CFAP20DC: variants seen among roughly 807,000 people sequenced by gnomAD.
CFAP20DC encodes protein CFAP20DC.
In CFAP20DC, 84 loss-of-function variants were observed where a neutral mutation model predicts 101.7. The observed-to-expected ratio is 0.83, with a 90% CI of 0.69 to 0.99. The LOEUF (loss-of-function observed/expected upper bound fraction) is 0.99. CFAP20DC is among the 50% of genes least tolerant of loss of function. The pLI is 0.00. For missense variants in CFAP20DC, 1,007 were observed against 970.3 expected (o/e 1.04, Z -0.50); for synonymous variants, 359 against 351.2 (o/e 1.02, Z -0.25).
intron 4 of CFAP20DC, among the ~76,000 whole-genome samples, chr3:58,943,302 A>G (rs1023998393): frequency 1.2e-4 from 19 of 152,162 alleles, no homozygotes; most frequent in African/African-American, 3.9e-4. Context: ...AGGGGTCAAT[A>G]GACACGTCAT....
Position 58,882,159 on chromosome 3 carries a change from T to C in CFAP20DC, c.715+2386A>G, listed in dbSNP as rs1366858449. Among the ~76,000 whole-genome samples the C allele has an allele frequency of 6.6e-6, 1 of 152,166 alleles. No homozygotes were observed. Among genetic ancestry groups the C allele is most frequent in the Non-Finnish European group, 1.5e-5 (1 of 67,982 alleles). ...TGCTATTAGATGACAATTATTCATT[T>C]CTGTATATATGACTCAAGTTCACTA... On this transcript the variant is annotated intron_variant, in intron 7 of 16. Transcript: ENST00000482387. This position sits in a 1 kb window ranked among gnomAD's most constrained non-coding sequence, Gnocchi z 4.2.
chr3:58,882,232 A>T lies in CFAP20DC; in HGVS notation c.715+2313T>A, dbSNP rs1243965543. ...TGGAAATTGCAAAATATATATTAAT[A>T]TCCTCTTTTATGAGTTGGGTTCAAA... On this transcript the variant is annotated intron_variant, in intron 7 of 16. Coordinates refer to ENST00000482387, the MANE Select transcript of CFAP20DC (RefSeq NM_001394063.1). The surrounding 1 kb of genome is among the most constrained non-coding windows in gnomAD (Gnocchi z 4.2). 6.6e-6 allele frequency among the ~76,000 whole-genome samples: 1 copy of T among 152,146 alleles called. No homozygotes were observed. The highest frequency in any genetic ancestry group is 1.5e-5 in the Non-Finnish European group (1 of 67,988).
At chr3:58,987,737 T>G (rs1328658115) in intron 4 of CFAP20DC, among the ~76,000 whole-genome samples, 1 of 151,652 alleles carries the variant, frequency 6.6e-6, no homozygotes, top group African/African-American at 2.4e-5. Context: ...GGAAACAAAA[T>G]GACACTTCTA....
At chr3:59,044,444 G>C (rs991911030) in intron 3 of CFAP20DC, among the ~76,000 whole-genome samples, 10 of 152,136 alleles carry the variant, frequency 6.6e-5, no homozygotes, top group Non-Finnish European at 1.0e-4. Flanking sequence ...ATATAGAAAA[G>C]CCAGATTAAC....
Position 58,729,384 on chromosome 3 carries a change from A to G in CFAP20DC, c.198-11756T>C, listed in dbSNP as rs2067602025. On this transcript the variant is annotated intron_variant, in intron 3 of 3. Coordinates refer to the CFAP20DC transcript ENST00000486145. This position sits in a 1 kb window ranked among gnomAD's most constrained non-coding sequence, Gnocchi z 4.4. ...CTATAAATTGTATACTTTAAATTTTATTAATATTTTGTGTCTTGTATACAG... is the reference window on the plus strand; with the variant it reads ...CTATAAATTGTATACTTTAAATTTTGTTAATATTTTGTGTCTTGTATACAG... Among the ~76,000 whole-genome samples, 1 of 152,086 alleles carries G rather than the reference A, an allele frequency of 6.6e-6. No individual in the cohort carries two copies.
intron 5 of CFAP20DC, among the ~76,000 whole-genome samples, chr3:58,916,068 G>GTAT (rs1334657632): frequency 6.6e-6 from 1 of 152,016 alleles, no homozygotes; most frequent in East Asian, 1.9e-4. Context: ...TGAGCCAAGT[G>GTAT]GCTCTCTATG....
chr3:58,808,559 A>G (rs967832771), intron 14 of CFAP20DC, among the ~76,000 whole-genome samples: 1 of 152,260 alleles, frequency 6.6e-6, no homozygotes, highest in Non-Finnish European at 1.5e-5. Context: ...GAGCTCCTGA[A>G]GGAACCGCTA....
chr3:58,841,941 T>C (rs2077146883), intron 13 of CFAP20DC, among the ~76,000 whole-genome samples: 1 of 152,226 alleles, frequency 6.6e-6, no homozygotes, highest in Non-Finnish European at 1.5e-5. Flanking sequence ...CAAAATTGCT[T>C]GAATACAGTT....
chr3:58,735,932 T>C (rs2067743771), intron 3 of CFAP20DC, among the ~76,000 whole-genome samples: 1 of 152,190 alleles, frequency 6.6e-6, no homozygotes, highest in East Asian at 1.9e-4. Context: ...TTTGTAACAC[T>C]CATAGATTCT....
intron 15 of CFAP20DC, among the ~76,000 whole-genome samples, chr3:58,776,783 C>G (rs2071376802): frequency 6.6e-6 from 1 of 151,622 alleles, no homozygotes; most frequent in East Asian, 1.9e-4. Context: ...ATTTTTCCTC[C>G]CTTACAATGC....
chr3:58,878,903 G>A (rs1234478060), intron 7 of CFAP20DC, among the ~76,000 whole-genome samples: 2 of 152,064 alleles, frequency 1.3e-5, no homozygotes, highest in Non-Finnish European at 2.9e-5. Context: ...AGCTACTCAG[G>A]AGGCTGAGGC....
chr3:58,933,975 A>C (rs953708322), intron 5 of CFAP20DC, among the ~76,000 whole-genome samples: 1 of 152,094 alleles, frequency 6.6e-6, no homozygotes, highest in African/African-American at 2.4e-5. Flanking sequence ...AAATTAATGA[A>C]TCCAGGAGCT....
intron 4 of CFAP20DC, among the ~76,000 whole-genome samples, chr3:59,033,943 C>T (rs1210225523): frequency 6.6e-6 from 1 of 152,058 alleles, no homozygotes; most frequent in Non-Finnish European, 1.5e-5. Context: ...TTAAGGGCAG[C>T]CAGAGAGAAA....
intron 15 of CFAP20DC, among the ~76,000 whole-genome samples, chr3:58,759,296 G>A (rs927780671): frequency 3.3e-5 from 5 of 152,226 alleles, no homozygotes; most frequent in Non-Finnish European, 7.3e-5. Context: ...CAGTGATGGT[G>A]AGCATTTTTT....
intron 13 of CFAP20DC, among the ~76,000 whole-genome samples, chr3:58,835,161 C>G (rs1439359348): frequency 2.0e-5 from 3 of 152,120 alleles, no homozygotes; most frequent in Non-Finnish European, 4.4e-5. Context: ...GAAAACAAGA[C>G]ATACTTCTGT....
intron 5 of CFAP20DC, among the ~76,000 whole-genome samples, chr3:58,929,870 CT>C (rs1202835105): frequency 6.6e-6 from 1 of 152,156 alleles, no homozygotes; most frequent in Non-Finnish European, 1.5e-5. Context: ...GCCACGCTCC[CT>C]AAATACTTTC....
At chr3:58,876,030 A>G (rs1183282841) in intron 7 of CFAP20DC, among the ~76,000 whole-genome samples, 4 of 152,196 alleles carry the variant, frequency 2.6e-5, no homozygotes, top group Non-Finnish European at 5.9e-5. Context: ...TATAGAATTT[A>G]TTTAAAGAGT....
intron 5 of CFAP20DC, among the ~76,000 whole-genome samples, chr3:58,935,466 G>C (rs1453327430): frequency 1.3e-5 from 2 of 151,808 alleles, no homozygotes; most frequent in Admixed American, 1.3e-4. Context: ...GCATCGCCAA[G>C]TCAATCCTAA....
At chr3:58,932,302 G>T (rs1389813502) in intron 5 of CFAP20DC, among the ~76,000 whole-genome samples, 1 of 152,212 alleles carries the variant, frequency 6.6e-6, no homozygotes, top group Non-Finnish European at 1.5e-5. Context: ...TTTGATTGGT[G>T]TACCTGAAAG....
Sources: gnomAD v4.1 joint callset for allele counts (sites outside exome capture counted in the v4.1 genomes callset) on GRCh38, gnomAD v4.1.1 for gene constraint, Gnocchi (gnomAD v3.1) non-coding constraint, MANE v1.5 for transcripts, NCBI Gene and HGNC (gene_info 2026-07-23, HGNC 2026-07-21) for gene names.